The following ABCC1 variants were observed in gnomAD, a reference collection of about 807,000 sequenced individuals.
The protein encoded by ABCC1 is multidrug resistance-associated protein 1.
Under a neutral mutation model 172.9 loss-of-function variants are expected in ABCC1, and 83 were observed. The observed-to-expected ratio is 0.48, with a 90% CI of 0.40 to 0.58. The LOEUF (loss-of-function observed/expected upper bound fraction) is 0.58. Among genes scored for constraint, ABCC1 ranks in the 20% least tolerant of loss-of-function variants. ABCC1 has a pLI of 0.00. For synonymous variants in ABCC1, 937 were observed against 825.2 expected (o/e 1.14, Z -2.32); for missense variants, 1,817 against 2,002.7 (o/e 0.91, Z 1.77).
intron 11 of ABCC1, among the ~76,000 whole-genome samples, chr16:16,055,724 C>T (rs575554337): frequency 2.0e-4 from 30 of 151,794 alleles, no homozygotes; most frequent in African/African-American, 6.0e-4. Context: ...TCTAACCTAA[C>T]GTGATTTGAA....
At chr16:16,110,851 C>T (rs2052354544) in intron 21 of ABCC1, among the ~76,000 whole-genome samples, 1 of 152,140 alleles carries the variant, frequency 6.6e-6, no homozygotes, top group South Asian at 2.1e-4. Flanking sequence ...TTTATGGGAG[C>T]CTATCTCACC....
intron 1 of ABCC1, among the ~76,000 whole-genome samples, chr16:15,966,651 CTTTT>C (rs34159339): frequency 1.4e-5 from 2 of 138,644 alleles, no homozygotes; most frequent in Non-Finnish European, 1.6e-5. Context: ...TTCTCTCTCT[CTTTT>C]TTTTTTTTTT....
At chr16:15,991,439 A>T (rs2151632701) in intron 1 of ABCC1, among the ~76,000 whole-genome samples, 1 of 152,284 alleles carries the variant, frequency 6.6e-6, no homozygotes, top group Non-Finnish European at 1.5e-5. Context: ...TCTGCAAAAG[A>T]AGAGTAGCCC....
intron 10 of ABCC1, among the ~76,000 whole-genome samples, chr16:16,052,315 G>A (rs1176917503): frequency 1.3e-5 from 2 of 152,076 alleles, no homozygotes; most frequent in Non-Finnish European, 2.9e-5. Flanking sequence ...GGGCAATGTA[G>A]CAAGACCTAA....
chr16:16,023,011 C>T (rs1328388700), intron 5 of ABCC1, among the ~76,000 whole-genome samples: 1 of 152,174 alleles, frequency 6.6e-6, no homozygotes, highest in Admixed American at 6.6e-5. Context: ...TCCTGGGCTC[C>T]AATGATCTTC....
At chr16:16,095,600 C>T (rs569535901) in intron 19 of ABCC1, among the ~76,000 whole-genome samples, 7 of 152,358 alleles carry the variant, frequency 4.6e-5, no homozygotes, top group Middle Eastern at 3.4e-3. Flanking sequence ...TCCGACTTCA[C>T]ACTGCTGAAT....
intron 18 of ABCC1, 73 bp from the exon 19 acceptor site, chr16:16,090,332 A>G (rs2051194416): frequency 1.4e-6 from 2 of 1,439,256 alleles, no homozygotes; most frequent in Non-Finnish European, 1.8e-6. Context: ...TTCCTCCTTT[A>G]GTCTTCACTC....
intron 1 of ABCC1, among the ~76,000 whole-genome samples, chr16:15,983,470 T>G (rs1451079310): frequency 1.3e-5 from 2 of 151,592 alleles, no homozygotes; most frequent in African/African-American, 4.9e-5. Context: ...GAGGCTGGGG[T>G]TTTCACCCAG....
Position 16,106,887 on chromosome 16 carries a change from C to T in ABCC1, c.2871+14C>T, listed in dbSNP as rs2052144310. On this transcript the variant is annotated intron_variant, in intron 21 of 30. Transcript: ENST00000399410. ...CAGACAGGGCAGGTGAGATTCGCTCCTTAAGTGATGACAGTGGCTGGAGTT... is the reference window on the plus strand; with the variant it reads ...CAGACAGGGCAGGTGAGATTCGCTCTTTAAGTGATGACAGTGGCTGGAGTT... 6.2e-7 allele frequency: 1 copy of T among 1,613,924 alleles called. No homozygotes were observed. Among genetic ancestry groups the T allele is most frequent in the African/African-American group, 1.3e-5 (1 of 75,042 alleles).
chr16:16,056,423 C>G, intron 12 of ABCC1, 128 bp downstream of exon 12: 1 of 1,090,874 alleles, frequency 9.2e-7, no homozygotes, highest in South Asian at 1.5e-5. Flanking sequence ...TCCCAGCACT[C>G]TGGGAGGCCA....
intron 26 of ABCC1, among the ~76,000 whole-genome samples, chr16:16,130,527 C>T (rs2045631897): frequency 1.3e-5 from 2 of 151,236 alleles, no homozygotes; most frequent in South Asian, 4.2e-4. Flanking sequence ...ACTTTTTAAA[C>T]TCTCTGTATT....
chr16:16,106,349 G>C (rs556383327), intron 20 of ABCC1, among the ~76,000 whole-genome samples: 6 of 147,656 alleles, frequency 4.1e-5, no homozygotes, highest in African/African-American at 7.5e-5. Context: ...AATGATCTAC[G>C]ATGTGCCCTT....
chr16:16,121,219 A>G (rs371678117), intron 23 of ABCC1, among the ~76,000 whole-genome samples: 10 of 152,154 alleles, frequency 6.6e-5, no homozygotes, highest in East Asian at 3.9e-4. Context: ...ATAATATTTT[A>G]TTTTTGTAGA....
intron 4 of ABCC1, 115 bp from the exon 5 acceptor site, chr16:16,016,375 AACTCTT>A: frequency 7.8e-7 from 1 of 1,288,704 alleles, no homozygotes; most frequent in Admixed American, 2.0e-5. Context: ...GATGGTCTCC[AACTCTT>A]GACCTCAGGT....
rs145717052 is a variant in ABCC1, at chr16:16,030,623, C to T, written c.616-2486C>T. Among the ~76,000 whole-genome samples, 87 of 151,970 alleles carry T rather than the reference C, an allele frequency of 5.7e-4. 1 individual carries two copies. The highest frequency in any genetic ancestry group is 1.9e-3 in the African/African-American group (79 of 41,458). Reference sequence around the variant, plus strand: ...AAATTGTCCCTCTTTTAGCCTGCAGCGGCCACTTCTGCTTGGCTCTTGAGC... The same window carrying T: ...AAATTGTCCCTCTTTTAGCCTGCAGTGGCCACTTCTGCTTGGCTCTTGAGC... On this transcript the variant is annotated intron_variant, in intron 5 of 30. Transcript: ENST00000399410.
At chr16:16,135,614 C>T (rs377341122) in intron 28 of ABCC1, among the ~76,000 whole-genome samples, 69 of 152,230 alleles carry the variant, frequency 4.5e-4, no homozygotes, top group African/African-American at 1.4e-3. Context: ...CACCACCATG[C>T]GTGGCTAGTT....
At chr16:16,069,207 A>T (rs141182248) in intron 13 of ABCC1, among the ~76,000 whole-genome samples, 86 of 103,034 alleles carry the variant, frequency 8.3e-4, no homozygotes, top group African/African-American at 2.0e-3. Context: ...TAAATAAATA[A>T]ATAAATATGT....
intron 7 of ABCC1, among the ~76,000 whole-genome samples, chr16:16,039,469 A>T (rs1243302916): frequency 2.0e-5 from 3 of 151,566 alleles, no homozygotes; most frequent in African/African-American, 4.9e-5. Context: ...GGGTTTCACC[A>T]TGTTGGCCAG....
intron 12 of ABCC1, among the ~76,000 whole-genome samples, chr16:16,063,341 CA>C (rs1380381824): frequency 1.3e-5 from 2 of 152,180 alleles, no homozygotes; most frequent in African/African-American, 4.8e-5. Context: ...CTCCTGACCT[CA>C]AGTGATCCGC....
Sources: gnomAD v4.1 joint callset for allele counts (sites outside exome capture counted in the v4.1 genomes callset) on GRCh38, gnomAD v4.1.1 for gene constraint, MANE v1.5 for transcripts, NCBI Gene and HGNC (gene_info 2026-07-23, HGNC 2026-07-21) for gene names.